The following PCDHGA10 variants were observed in gnomAD, a reference collection of about 807,000 sequenced individuals.
PCDHGA10 encodes protocadherin gamma-A10.
PCDHGA10 carries 42 observed loss-of-function variants against 59.5 expected under a neutral mutation model. The observed-to-expected ratio is 0.71, with a 90% CI of 0.55 to 0.91. The LOEUF (loss-of-function observed/expected upper bound fraction) is 0.91, where lower values mean the gene tolerates loss of function less well. PCDHGA10 is among the 40% of genes least tolerant of loss of function. The pLI is 0.00. For missense variants in PCDHGA10, 1,111 were observed against 1,198.2 expected, an observed-to-expected ratio of 0.93 and a Z score of 1.07; for synonymous variants, 511 against 517.2, an observed-to-expected ratio of 0.99 and a Z score of 0.16.
In PCDHGA10 at chr5:141,512,739, T is replaced by C. The variant is rs1251649814; in HGVS notation, c.*1566T>C. The stretch of plus-strand genomic sequence containing the variant: ...GGCGGGTGGGCAGCGGGCGGCGGGC[T>C]CCGCGCAGCCGTCTGTCCTTGATCT... On this transcript the variant is annotated 3_prime_UTR_variant, in exon 4 of 4. Transcript: ENST00000398610. 1 of 152,822 alleles carries C rather than the reference T, an allele frequency of 6.5e-6. No individual in the cohort carries two copies. The highest frequency in any genetic ancestry group is 2.4e-5 in the African/African-American group (1 of 41,464). 9.5% of individuals were successfully genotyped at this position (152,822 alleles called of 1,614,324 possible).
At position 141,421,588 on chromosome 5, in the gene PCDHGA10, G is replaced by C; in HGVS notation, c.2436+5977G>C. 3 of 1,613,910 alleles carry C rather than the reference G, an allele frequency of 1.9e-6. No homozygotes were observed. The South Asian group carries it at 3.3e-5, about 18-fold the overall frequency. ...AGACACCTTGAAGATTTACGGAGTGGAGGTGGAAATAATAGATATTAATGA... is the reference window on the plus strand; with the variant it reads ...AGACACCTTGAAGATTTACGGAGTGCAGGTGGAAATAATAGATATTAATGA... On this transcript the variant is annotated intron_variant, in intron 1 of 3. Coordinates refer to ENST00000398610, the MANE Select transcript of PCDHGA10 (RefSeq NM_018913.3).
rs533857281 is a variant in PCDHGA10 at position 141,429,742 on chromosome 5, T to C, written c.2436+14131T>C. Among the ~76,000 whole-genome samples the C allele has an allele frequency of 3.8e-4, 58 of 152,336 alleles. 1 individual carries two copies. Among genetic ancestry groups the C allele is most frequent in the Admixed American group, 2.0e-4 (3 of 15,302 alleles). Reference sequence around the variant, plus strand: ...ATGAAAGTACGTAGCCAGTTATTTCTTAGGGAGAATTTTTTCCCTATATTT... The same window carrying C: ...ATGAAAGTACGTAGCCAGTTATTTCCTAGGGAGAATTTTTTCCCTATATTT... On this transcript the variant is annotated intron_variant, in intron 1 of 3. Transcript: ENST00000398610.
intron 2 of PCDHGA10, among the ~76,000 whole-genome samples, chr5:141,496,116 C>G (rs1435887981): frequency 6.6e-6 from 1 of 152,178 alleles, no homozygotes; most frequent in Middle Eastern, 3.4e-3. Flanking sequence ...TCTCTTCCTT[C>G]CCTGCCCCTC....
At chr5:141,430,656 G>A in intron 1 of PCDHGA10, 1 of 1,092,670 alleles carries the variant, frequency 9.2e-7, no homozygotes, top group Non-Finnish European at 1.3e-6. Context: ...GGAAACAACG[G>A]AGGAGCTCTG....
chr5:141,487,058 C>T lies in PCDHGA10; in HGVS notation c.2437-7749C>T, dbSNP rs775720601. 23 of 1,613,980 alleles carry T rather than the reference C, an allele frequency of 1.4e-5. No individual in the cohort carries two copies. The highest frequency in any genetic ancestry group is 1.0e-4 in the Admixed American group (6 of 59,996). ...AGTCTCTCGATATGCTGGGGAGGTGCGGACGGCTGTTCCTATCCCAGCTGA... is the reference window on the plus strand; with the variant it reads ...AGTCTCTCGATATGCTGGGGAGGTGTGGACGGCTGTTCCTATCCCAGCTGA... On this transcript the variant is annotated intron_variant, in intron 1 of 3. Transcript: ENST00000398610. The surrounding 1 kb of genome is among the most constrained non-coding windows in gnomAD (Gnocchi z 5.0).
Position 141,432,465 on chromosome 5 carries a change from C to T in PCDHGA10, c.2436+16854C>T. 3 of 1,614,222 alleles carry T rather than the reference C, an allele frequency of 1.9e-6. No individual in the cohort carries two copies. The highest frequency in any genetic ancestry group is 2.5e-6 in the Non-Finnish European group (3 of 1,180,050). On this transcript the variant is annotated intron_variant, in intron 1 of 3. Transcript: ENST00000398610. This position sits in a 1 kb window ranked among gnomAD's most constrained non-coding sequence, Gnocchi z 6.0. The stretch of plus-strand genomic sequence containing the variant: ...GAGATCCTGTACCCCGCCCTCCCCA[C>T]GGACGGTTCCACTGGCGTGGAGCTG...
chr5:141,427,999 T>A, intron 1 of PCDHGA10: 1 of 1,601,186 alleles, frequency 6.2e-7, no homozygotes, highest in Non-Finnish European at 8.5e-7. Context: ...GGCTCCGCAC[T>A]CTTCGATATA....
chr5:141,415,379 G>T lies in PCDHGA10; in HGVS notation c.2204G>T (p.Gly735Val). The T allele has an allele frequency of 3.7e-6, 6 of 1,614,250 alleles. No individual in the cohort carries two copies. The highest frequency in any genetic ancestry group is 3.4e-6 in the Non-Finnish European group (4 of 1,180,042). Residue 735 changes from glycine to valine, a missense_variant, in exon 1 of 4, where the codon GGC (glycine) becomes GTC (valine). Coordinates refer to ENST00000398610, the MANE Select transcript of PCDHGA10 (RefSeq NM_018913.3). The part of the protein sequence containing the change: ...KSRLLQASGG[G>V]LTGVSGSHFV... ...CGCCTGCTGCAGGCTTCAGGAGGCG[G>T]CTTGACAGGTGTGTCCGGCTCGCAC...
rs1467261705 is a variant in PCDHGA10, at chr5:141,417,640, C to G, written c.2436+2029C>G. 6.6e-6 allele frequency: 5 copies of G among 761,360 alleles called. No homozygotes were observed. The African/African-American group carries it at 8.8e-5, about 13-fold the overall frequency. 47.2% of individuals were successfully genotyped at this position (761,360 alleles called of 1,614,324 possible). A position where few individuals can be genotyped will look rare whatever the true frequency, so the allele number is the denominator to read the frequency against. On this transcript the variant is annotated intron_variant, in intron 1 of 3. Coordinates refer to ENST00000398610, the MANE Select transcript of PCDHGA10 (RefSeq NM_018913.3). ...AGAGCAAGCGCTGACGCCGGGGATC[C>G]CTCAGCCTCTAGCCTGGGATTCCCT...
chr5:141,501,478 T>A (rs536337246), intron 2 of PCDHGA10, among the ~76,000 whole-genome samples: 5 of 151,890 alleles, frequency 3.3e-5, no homozygotes, highest in Non-Finnish European at 7.4e-5. Flanking sequence ...CCTGGAAGAG[T>A]CCCTCATATC....
At chr5:141,421,504 C>G (rs757410882) in intron 1 of PCDHGA10, 1 of 1,614,062 alleles carries the variant, frequency 6.2e-7, no homozygotes, top group South Asian at 1.1e-5. Flanking sequence ...CAGGATAGAC[C>G]GGGAGGAGCT....
At chr5:141,481,813 G>A (rs185558948) in intron 1 of PCDHGA10, among the ~76,000 whole-genome samples, 15 of 151,942 alleles carry the variant, frequency 9.9e-5, no homozygotes, top group East Asian at 7.8e-4. Context: ...TTCACCAGGC[G>A]TGGTGGCTGA....
At chr5:141,436,105 A>G (rs2097796181) in intron 1 of PCDHGA10, among the ~76,000 whole-genome samples, 2 of 152,198 alleles carry the variant, frequency 1.3e-5, no homozygotes, top group African/African-American at 4.8e-5. Context: ...GAAATAGAGG[A>G]CAATGAAACC....
At chr5:141,439,631 A>G (rs1459977985) in intron 1 of PCDHGA10, among the ~76,000 whole-genome samples, 2 of 152,214 alleles carry the variant, frequency 1.3e-5, no homozygotes, top group African/African-American at 2.4e-5. Context: ...ATCCCCAGAC[A>G]TTCCGGCTTG....
Position 141,414,244 on chromosome 5 carries a change from T to A in PCDHGA10, c.1069T>A (p.Phe357Ile). The change falls in exon 1 of 4, where the codon TTT becomes ATT. Residue 357 changes from phenylalanine (F) to isoleucine (I), a missense_variant. Transcript: ENST00000398610. Reference sequence around the variant, plus strand: ...TCCAGAGCTGACCATCACGTCTCTATTTAGTCCAGTGACTGAAGATTCACC... The same window carrying A: ...TCCAGAGCTGACCATCACGTCTCTAATTAGTCCAGTGACTGAAGATTCACC... ...NSPELTITSL[F>I]SPVTEDSPLG... is the part of the protein sequence containing the mutation. The A allele has an allele frequency of 6.2e-7, 1 of 1,613,526 alleles. No homozygotes were observed. Among genetic ancestry groups the A allele is most frequent in the Admixed American group, 1.7e-5 (1 of 59,968 alleles).
At chr5:141,460,214 G>A (rs925628892) in intron 1 of PCDHGA10, among the ~76,000 whole-genome samples, 2 of 151,896 alleles carry the variant, frequency 1.3e-5, no homozygotes, top group Admixed American at 6.6e-5. Flanking sequence ...CATTTTCTTA[G>A]TTGTGTCTTT....
At chr5:141,444,865 G>A (rs1038923777) in intron 1 of PCDHGA10, among the ~76,000 whole-genome samples, 1 of 152,098 alleles carries the variant, frequency 6.6e-6, no homozygotes, top group Non-Finnish European at 1.5e-5. Flanking sequence ...TCTTACTACA[G>A]GACAAAGCTT....
chr5:141,508,741 C>G (rs2099871426), intron 3 of PCDHGA10, among the ~76,000 whole-genome samples: 1 of 152,042 alleles, frequency 6.6e-6, no homozygotes, highest in Non-Finnish European at 1.5e-5. Context: ...ACCCCCCACC[C>G]CGCTCTTTCT....
intron 1 of PCDHGA10, chr5:141,423,979 G>A: frequency 9.0e-7 from 1 of 1,115,484 alleles, no homozygotes. Flanking sequence ...CAGTGTATGA[G>A]GCTCTCAATT....
Sources: allele counts gnomAD v4.1 joint callset (sites outside exome capture counted in the v4.1 genomes callset), GRCh38; gene constraint gnomAD v4.1.1; non-coding constraint Gnocchi (gnomAD v3.1); transcripts MANE v1.5; gene names NCBI Gene and HGNC (gene_info 2026-07-23, HGNC 2026-07-21).